FANCB: variants seen among roughly 807,000 people sequenced by gnomAD.
FANCB encodes FA complementation group B.
A neutral mutation model predicts 38.9 loss-of-function variants in FANCB; 5 were observed. That is an observed-to-expected ratio of 0.13 (90% CI 0.07 to 0.27). The LOEUF is 0.27. Among genes scored for constraint, FANCB ranks in the 10% least tolerant of loss-of-function variants. The pLI, the probability that FANCB is intolerant of heterozygous loss-of-function variation, is 1.00. For synonymous variants in FANCB, 236 were observed against 215.4 expected, an observed-to-expected ratio of 1.10 and a Z score of -0.84; for missense variants, 573 against 602.7, an observed-to-expected ratio of 0.95 and a Z score of 0.52.
chrX:14,757,942 G>C, the FANCB span, among the ~76,000 whole-genome samples: 1 of 111,662 alleles, frequency 9.0e-6, no homozygotes, highest in Non-Finnish European at 1.9e-5. Context: ...TTCTCAGCTG[G>C]GAGGCTGGTA....
chrX:14,697,674 C>T, the FANCB span, among the ~76,000 whole-genome samples: 2 of 110,780 alleles, frequency 1.8e-5, no homozygotes, highest in Admixed American at 9.6e-5. Flanking sequence ...ACTTGGGATA[C>T]CAGCCTTGTT....
chrX:14,719,709 A>G, the FANCB span, among the ~76,000 whole-genome samples: 42 of 112,179 alleles, frequency 3.7e-4, no homozygotes, highest in African/African-American at 1.1e-3. Flanking sequence ...CTATATCCAA[A>G]GGAAAGGAAA....
chrX:14,788,413 T>C, the FANCB span, among the ~76,000 whole-genome samples: 2,473 of 111,182 alleles, frequency 0.022, 61 homozygotes, highest in African/African-American at 0.077. Flanking sequence ...ACGACGCTAG[T>C]TCTGGGAATG....
chrX:14,867,794 C>T (rs1198244123), intron 2 of FANCB, among the ~76,000 whole-genome samples: 1 of 106,576 alleles, frequency 9.4e-6, no homozygotes, highest in African/African-American at 3.4e-5. Flanking sequence ...AGACAACCTA[C>T]AAAATGTAAG....
the FANCB span, among the ~76,000 whole-genome samples, chrX:14,794,879 G>A: frequency 3.6e-5 from 4 of 112,080 alleles, no homozygotes; most frequent in Admixed American, 1.9e-4. Flanking sequence ...TAAAAGGTGC[G>A]ACTGAGAAGG....
intron 3 of FANCB, among the ~76,000 whole-genome samples, chrX:14,864,017 C>T (rs1301447204): frequency 9.0e-6 from 1 of 110,896 alleles, no homozygotes; most frequent in Non-Finnish European, 1.9e-5. Flanking sequence ...TGCCTGTAAT[C>T]CCAGCTACTC....
At chrX:14,829,266 TAAG>T in the FANCB span, among the ~76,000 whole-genome samples, 7 of 111,758 alleles carry the variant, frequency 6.3e-5, no homozygotes, top group East Asian at 1.4e-3. Context: ...AACCATGTTG[TAAG>T]AAGATGTGCT....
chrX:14,749,759 T>C, the FANCB span, among the ~76,000 whole-genome samples: 1 of 111,786 alleles, frequency 8.9e-6, no homozygotes, highest in Non-Finnish European at 1.9e-5. Context: ...GCCACAAGTC[T>C]GGATTCTAGT....
the FANCB span, among the ~76,000 whole-genome samples, chrX:14,728,806 T>C: frequency 8.9e-6 from 1 of 112,610 alleles, no homozygotes; most frequent in Non-Finnish European, 1.9e-5. Context: ...GAAGCAAATC[T>C]GTTCTGCCTT....
At chrX:14,796,307 G>A in the FANCB span, among the ~76,000 whole-genome samples, 1 of 107,576 alleles carries the variant, frequency 9.3e-6, no homozygotes, top group Non-Finnish European at 1.9e-5. Flanking sequence ...GTGGCTGTTG[G>A]TAGAAAGCTG....
downstream of FANCB, among the ~76,000 whole-genome samples, chrX:14,835,729 C>G (rs2092339489): frequency 8.9e-6 from 1 of 111,768 alleles, no homozygotes; most frequent in Non-Finnish European, 1.9e-5. Context: ...AATTCATTAC[C>G]TCACACCCGT....
At chrX:14,716,977 T>C in the FANCB span, among the ~76,000 whole-genome samples, 5 of 110,861 alleles carry the variant, frequency 4.5e-5, no homozygotes, top group Non-Finnish European at 7.6e-5. Flanking sequence ...CCTTTGTACA[T>C]ATCTCAAAAA....
chrX:14,833,187 A>G (rs1480059191), downstream of FANCB, among the ~76,000 whole-genome samples: 1 of 112,615 alleles, frequency 8.9e-6, no homozygotes, highest in Admixed American at 9.4e-5. Flanking sequence ...ATGCAGGGAA[A>G]TACTTTTGTA....
chrX:14,776,427 A>G, the FANCB span, among the ~76,000 whole-genome samples: 1 of 111,777 alleles, frequency 8.9e-6, no homozygotes, highest in Non-Finnish European at 1.9e-5. Context: ...ATGAGCAATG[A>G]GACTTGGAAT....
chrX:14,770,996 AG>A, the FANCB span, among the ~76,000 whole-genome samples: 1 of 111,717 alleles, frequency 9.0e-6, no homozygotes, highest in Non-Finnish European at 1.9e-5. Flanking sequence ...TTCTGCTGAG[AG>A]GTCCGCTGTT....
At chrX:14,763,507 A>G in the FANCB span, among the ~76,000 whole-genome samples, 1 of 112,002 alleles carries the variant, frequency 8.9e-6, no homozygotes, top group Middle Eastern at 4.7e-3. Flanking sequence ...GGGCAGGGTT[A>G]CCATTGCAGA....
rs2092368233 is a variant in FANCB at position 14,844,648 on chromosome X, C to A, written c.2020G>T (p.Val674Leu). ...CATTTCATATGTTCTAAGAGCCACA[C>A]CTTCATTGAATTCAGGGCATAGCCG... ...SPGYALNSMK[V>L]WLLEHMKCEI... The change falls in exon 9 of 10, where the codon GTG becomes TTG. Residue 674 changes from valine (V) to leucine (L), a missense_variant. Coordinates refer to ENST00000650831, the MANE Select transcript of FANCB (RefSeq NM_001018113.3). The A allele has an allele frequency of 8.3e-7, 1 of 1,209,468 alleles. No homozygotes were observed. The highest frequency in any genetic ancestry group is 1.1e-6 in the Non-Finnish European group (1 of 893,451).
At chrX:14,702,326 A>G in the FANCB span, among the ~76,000 whole-genome samples, 2 of 112,066 alleles carry the variant, frequency 1.8e-5, no homozygotes, top group South Asian at 3.7e-4. Context: ...TCAGATTGGA[A>G]TAAGGCACAA....
At chrX:14,836,622 T>C (rs1450254708) in intron 10 of FANCB, among the ~76,000 whole-genome samples, 1 of 112,366 alleles carries the variant, frequency 8.9e-6, no homozygotes, top group Non-Finnish European at 1.9e-5. Context: ...TTAAATATTT[T>C]AGACCCCTTT....
Sources: allele counts gnomAD v4.1 joint callset (sites outside exome capture counted in the v4.1 genomes callset), GRCh38; gene constraint gnomAD v4.1.1; transcripts MANE v1.5; gene names NCBI Gene and HGNC (gene_info 2026-07-23, HGNC 2026-07-21).